Variants in GPC5 observed in about 807,000 individuals in gnomAD.
GPC5 encodes glypican-5.
Under a neutral mutation model 53.9 loss-of-function variants are expected in GPC5, and 47 were observed. The observed-to-expected ratio is 0.87, with a 90% CI of 0.69 to 1.11. The LOEUF is 1.11. Among genes scored for constraint, GPC5 ranks in the 50% most tolerant of loss-of-function variants. GPC5 has a pLI of 0.00. For synonymous variants in GPC5, 286 were observed against 263.3 expected, an observed-to-expected ratio of 1.09 and a Z score of -0.84; for missense variants, 748 against 713.1, an observed-to-expected ratio of 1.05 and a Z score of -0.56.
chr13:91,646,948 T>C (rs1447470891), intron 2 of GPC5, among the ~76,000 whole-genome samples: 5 of 152,188 alleles, frequency 3.3e-5, no homozygotes, highest in African/African-American at 9.7e-5. Context: ...ATATTAACTT[T>C]ATTTTAATCT....
intron 2 of GPC5, among the ~76,000 whole-genome samples, chr13:91,504,512 G>C (rs968879106): frequency 6.6e-6 from 1 of 152,040 alleles, no homozygotes; most frequent in Non-Finnish European, 1.5e-5. Context: ...AATATAGTTA[G>C]ATATTAGCAT....
chr13:91,718,005 A>G (rs1017675484), intron 3 of GPC5, among the ~76,000 whole-genome samples: 2 of 152,120 alleles, frequency 1.3e-5, no homozygotes, highest in Admixed American at 6.5e-5. Context: ...TGCTTTTTCA[A>G]TGTAGGATTC....
At chr13:91,591,043 T>A (rs561629861) in intron 2 of GPC5, among the ~76,000 whole-genome samples, 3 of 152,182 alleles carry the variant, frequency 2.0e-5, no homozygotes, top group African/African-American at 7.2e-5. Flanking sequence ...AGCATTGTAT[T>A]GTTGATGTTT....
At chr13:92,723,961 G>T (rs1256839383) in intron 7 of GPC5, among the ~76,000 whole-genome samples, 3 of 151,398 alleles carry the variant, frequency 2.0e-5, no homozygotes, top group African/African-American at 7.3e-5. Flanking sequence ...ACTGTTTTTT[G>T]CGTTTCAGAA....
chr13:92,417,799 G>A (rs1876379284), intron 7 of GPC5, among the ~76,000 whole-genome samples: 1 of 152,184 alleles, frequency 6.6e-6, no homozygotes, highest in African/African-American at 2.4e-5. Context: ...GCTGATGCGG[G>A]AGGATTGCAT....
chr13:92,836,054 G>T (rs893379710), intron 7 of GPC5, among the ~76,000 whole-genome samples: 4 of 151,696 alleles, frequency 2.6e-5, no homozygotes, highest in Non-Finnish European at 4.4e-5. Context: ...TTTGTCAATT[G>T]CAGGGATGAT....
intron 5 of GPC5, among the ~76,000 whole-genome samples, chr13:91,904,088 C>T (rs569757508): frequency 6.6e-6 from 1 of 150,622 alleles, no homozygotes; most frequent in African/African-American, 2.4e-5. Flanking sequence ...TACATGCAAC[C>T]ATTTGTTGAG....
At chr13:92,671,868 AG>A (rs1241808597) in intron 7 of GPC5, among the ~76,000 whole-genome samples, 2 of 152,204 alleles carry the variant, frequency 1.3e-5, no homozygotes, top group East Asian at 3.8e-4. Flanking sequence ...TTCTGTGTGC[AG>A]GGTGGATTAG....
chr13:92,166,985 C>T (rs796813093), intron 7 of GPC5, among the ~76,000 whole-genome samples: 1,878 of 137,734 alleles, frequency 0.014, 33 homozygotes, highest in African/African-American at 0.046. Flanking sequence ...CACACACACA[C>T]ACACACACAC....
At chr13:91,987,203 G>A (rs2040416127) in intron 6 of GPC5, among the ~76,000 whole-genome samples, 1 of 152,138 alleles carries the variant, frequency 6.6e-6, no homozygotes, top group Non-Finnish European at 1.5e-5. Flanking sequence ...GAAAAATAAT[G>A]AAGCCTGCAA....
At chr13:91,407,751 C>T (rs1012541941) in intron 1 of GPC5, among the ~76,000 whole-genome samples, 30 of 152,096 alleles carry the variant, frequency 2.0e-4, no homozygotes, top group African/African-American at 6.8e-4. Flanking sequence ...GGAGTTCAGT[C>T]TCTATTGTGG....
intron 6 of GPC5, among the ~76,000 whole-genome samples, chr13:91,914,290 T>G (rs146360682): frequency 0.011 from 1,730 of 152,332 alleles, 12 homozygotes; most frequent in Non-Finnish European, 0.019. Context: ...CACAGCAATT[T>G]TCTGGATTTA....
At chr13:92,265,633 T>G (rs1482659693) in intron 7 of GPC5, among the ~76,000 whole-genome samples, 1 of 152,164 alleles carries the variant, frequency 6.6e-6, no homozygotes, top group Non-Finnish European at 1.5e-5. Context: ...TCCCCATTAG[T>G]GCCTCATTCA....
At chr13:92,568,300 T>A (rs1482120803) in intron 7 of GPC5, among the ~76,000 whole-genome samples, 3 of 152,148 alleles carry the variant, frequency 2.0e-5, no homozygotes, top group African/African-American at 7.2e-5. Context: ...ATGAGAAAAT[T>A]CTAAGTATGC....
intron 7 of GPC5, among the ~76,000 whole-genome samples, chr13:92,564,947 T>C (rs1469448027): frequency 1.3e-5 from 2 of 152,078 alleles, no homozygotes; most frequent in Non-Finnish European, 2.9e-5. Flanking sequence ...AACTTTACAA[T>C]TGGCAAATCA....
intron 7 of GPC5, among the ~76,000 whole-genome samples, chr13:92,156,042 A>G (rs1035186879): frequency 1.3e-5 from 2 of 152,138 alleles, no homozygotes; most frequent in African/African-American, 4.8e-5. Context: ...GCTTTGTTTC[A>G]ATAGCTTTTC....
intron 5 of GPC5, among the ~76,000 whole-genome samples, chr13:91,816,797 G>A (rs556272722): frequency 1.3e-5 from 2 of 152,120 alleles, no homozygotes; most frequent in Non-Finnish European, 2.9e-5. Flanking sequence ...TTGGTACAAT[G>A]GAAAGTGGAT....
chr13:91,567,280 G>C (rs1007791680), intron 2 of GPC5, among the ~76,000 whole-genome samples: 14 of 152,228 alleles, frequency 9.2e-5, no homozygotes, highest in African/African-American at 2.9e-4. Flanking sequence ...GTGCCTGTGC[G>C]TATGAGTATG....
At chr13:92,444,939 T>C (rs1260864069) in intron 7 of GPC5, among the ~76,000 whole-genome samples, 1 of 152,062 alleles carries the variant, frequency 6.6e-6, no homozygotes, top group Non-Finnish European at 1.5e-5. Flanking sequence ...ATATCAATGA[T>C]CTTAGCAGGT....
Sources: allele counts gnomAD v4.1 joint callset (sites outside exome capture counted in the v4.1 genomes callset), GRCh38; gene constraint gnomAD v4.1.1; transcripts MANE v1.5; gene names NCBI Gene and HGNC (gene_info 2026-07-23, HGNC 2026-07-21).